The following CPEB3 variants were observed in gnomAD, a reference collection of about 807,000 sequenced individuals.
The protein encoded by CPEB3 is cytoplasmic polyadenylation element-binding protein 3.
A neutral mutation model predicts 67.2 loss-of-function variants in CPEB3; 20 were observed. That is an observed-to-expected ratio of 0.30 (90% CI 0.21 to 0.43). The LOEUF (loss-of-function observed/expected upper bound fraction) is 0.43. Among genes scored for constraint, CPEB3 ranks in the 20% least tolerant of loss-of-function variants. The pLI is 1.00. For missense variants in CPEB3, 746 were observed against 968.6 expected (o/e 0.77, Z 3.05); for synonymous variants, 376 against 393.1 (o/e 0.96, Z 0.51).
chr10:92,150,866 TG>T (rs1274415087), intron 4 of CPEB3, among the ~76,000 whole-genome samples: 1 of 152,160 alleles, frequency 6.6e-6, no homozygotes, highest in African/African-American at 2.4e-5. Flanking sequence ...TAGAACACCA[TG>T]ATACTGCCAC....
At chr10:92,261,072 A>G (rs1402242086) in intron 1 of CPEB3, among the ~76,000 whole-genome samples, 1 of 152,092 alleles carries the variant, frequency 6.6e-6, no homozygotes, top group Non-Finnish European at 1.5e-5. Context: ...CAAGCTGATG[A>G]GTCACAGGGA....
At position 92,192,589 on chromosome 10, in the gene CPEB3, G is replaced by C; in HGVS notation, c.1053C>G (p.Asn351Lys). ...CAGTCCTTATCATATCCATTAAGGA[G>C]TTCTCCAACGAGTGCAAGTTAAAAG... is the stretch of plus-strand genomic sequence containing the variant. ...YDTFNLHSLENSLMDMIRTDH... is the reference protein window; with the variant it reads ...YDTFNLHSLEKSLMDMIRTDH... Residue 351 changes from asparagine (N) to lysine (K), a missense_variant, in exon 3 of 10, where the codon AAC (asparagine) becomes AAG (lysine). Transcript: ENST00000265997. The C allele has an allele frequency of 6.2e-7, 1 of 1,612,968 alleles. No homozygotes were observed. The highest frequency in any genetic ancestry group is 8.5e-7 in the Non-Finnish European group (1 of 1,179,380).
chr10:92,271,468 C>T (rs1470614718), intron 1 of CPEB3, among the ~76,000 whole-genome samples: 1 of 152,168 alleles, frequency 6.6e-6, no homozygotes, highest in Admixed American at 6.6e-5. Flanking sequence ...TAATCTGGGA[C>T]AGTTCCTCAG....
At chr10:92,218,551 T>A (rs1850546159) in intron 2 of CPEB3, among the ~76,000 whole-genome samples, 1 of 152,250 alleles carries the variant, frequency 6.6e-6, no homozygotes, top group Non-Finnish European at 1.5e-5. Flanking sequence ...TATATGTGCA[T>A]ATGTGTATGC....
intron 6 of CPEB3, among the ~76,000 whole-genome samples, chr10:92,138,605 A>G (rs1846233259): frequency 6.6e-6 from 1 of 152,142 alleles, no homozygotes; most frequent in Non-Finnish European, 1.5e-5. Flanking sequence ...GGTGCTCAAT[A>G]TTACTGATTG....
chr10:92,180,964 G>A lies in CPEB3; in HGVS notation c.1221C>T (p.Asn407=). ...AGAATATTTCATATGAAGACTTACTGTTAAGTGCCATAATATTATCTGTTC... is the reference window on the plus strand; with the variant it reads ...AGAATATTTCATATGAAGACTTACTATTAAGTGCCATAATATTATCTGTTC... ...HPGTDNIMAL[N]NAFLDDSHGD... Residue 407 remains asparagine, a splice_region_variant and synonymous_variant, in exon 4 of 10, where the codon AAC becomes AAT. Transcript: ENST00000265997. 1 of 1,426,080 alleles carries A rather than the reference G, an allele frequency of 7.0e-7. No individual in the cohort carries two copies. The highest frequency in any genetic ancestry group is 1.4e-5 in the African/African-American group (1 of 71,204). 88.3% of individuals were successfully genotyped at this position (1,426,080 alleles called of 1,614,324 possible). A position where few individuals can be genotyped will look rare whatever the true frequency, so the allele number is the denominator to read the frequency against.
At chr10:92,258,810 A>G (rs577363477) in intron 1 of CPEB3, among the ~76,000 whole-genome samples, 30 of 151,140 alleles carry the variant, frequency 2.0e-4, no homozygotes, top group South Asian at 4.2e-4. Context: ...GGCACCCACC[A>G]CCACGCTGAG....
At chr10:92,071,419 G>T (rs1158538881) in intron 9 of CPEB3, among the ~76,000 whole-genome samples, 1 of 152,066 alleles carries the variant, frequency 6.6e-6, no homozygotes, top group Non-Finnish European at 1.5e-5. Context: ...ATATTCAACT[G>T]ATTCTACACT....
At chr10:92,183,889 G>A (rs747849791) in intron 3 of CPEB3, among the ~76,000 whole-genome samples, 19 of 151,954 alleles carry the variant, frequency 1.3e-4, no homozygotes, top group East Asian at 9.6e-4. Context: ...TACCATTTAC[G>A]GTAAAGAATT....
intron 2 of CPEB3, among the ~76,000 whole-genome samples, chr10:92,226,473 G>A (rs1850980380): frequency 6.6e-6 from 1 of 152,194 alleles, no homozygotes; most frequent in Non-Finnish European, 1.5e-5. Context: ...GTAGCTACAT[G>A]TAAATGACCA....
chr10:92,061,419 C>CAAAAAAAA (rs148327302), intron 9 of CPEB3, among the ~76,000 whole-genome samples: 1 of 93,344 alleles, frequency 1.1e-5, no homozygotes, highest in African/African-American at 4.0e-5. Context: ...AATTCTGTCT[C>CAAAAAAAA]AAAAAAAAAA....
At chr10:92,128,473 T>C (rs936703078) in intron 6 of CPEB3, among the ~76,000 whole-genome samples, 7 of 152,080 alleles carry the variant, frequency 4.6e-5, no homozygotes, top group Admixed American at 2.6e-4. Context: ...CCTTGAAAGG[T>C]GGCCTCTTTA....
chr10:92,245,758 C>CGG (rs1391265508), intron 1 of CPEB3, among the ~76,000 whole-genome samples: 1 of 152,128 alleles, frequency 6.6e-6, no homozygotes, highest in Non-Finnish European at 1.5e-5. Context: ...ATAAAATAGC[C>CGG]GGGCACGGTG....
intron 2 of CPEB3, among the ~76,000 whole-genome samples, chr10:92,198,064 C>T (rs1217354680): frequency 6.6e-6 from 1 of 152,168 alleles, no homozygotes; most frequent in East Asian, 1.9e-4. Flanking sequence ...CGAGATCACG[C>T]CATTGCACTC....
chr10:92,046,847 G>C lies in CPEB3; in HGVS notation c.*5365C>G, dbSNP rs976726964. On this transcript the variant is annotated 3_prime_UTR_variant, in exon 10 of 10. Coordinates refer to ENST00000265997, the MANE Select transcript of CPEB3 (RefSeq NM_014912.5). ...AAGCAATATTAGTCCAAGCCCCAAA[G>C]GCAGAAGCTGAGTAAGGGTTACTAG... The C allele has an allele frequency of 3.3e-5, 5 of 152,192 alleles. No individual in the cohort carries two copies. In the South Asian group the frequency reaches 8.3e-4, roughly 25 times the overall value. The allele number at this position is 152,192 out of a possible 1,614,324, so 9.4% of individuals were successfully genotyped here.
chr10:92,177,997 G>A (rs530441450), intron 4 of CPEB3, among the ~76,000 whole-genome samples: 4 of 152,062 alleles, frequency 2.6e-5, no homozygotes, highest in East Asian at 1.9e-4. Flanking sequence ...CAACTGACTC[G>A]CATTTTCTTT....
intron 2 of CPEB3, among the ~76,000 whole-genome samples, chr10:92,227,710 G>A (rs1048939319): frequency 6.6e-6 from 1 of 150,386 alleles, no homozygotes; most frequent in African/African-American, 2.5e-5. Flanking sequence ...TCCTGCCTCA[G>A]CCTCCCGAGT....
intron 1 of CPEB3, among the ~76,000 whole-genome samples, chr10:92,268,615 A>G (rs1853165573): frequency 6.6e-6 from 1 of 152,266 alleles, no homozygotes; most frequent in Non-Finnish European, 1.5e-5. Context: ...GGTTGTAAAC[A>G]TAAGTTGGTC....
chr10:92,119,955 T>TA (rs971290963), intron 6 of CPEB3, among the ~76,000 whole-genome samples: 85 of 148,376 alleles, frequency 5.7e-4, no homozygotes, highest in East Asian at 2.9e-3. Flanking sequence ...ATCTTGGATT[T>TA]AAAAAAAAAA....
Sources: allele counts gnomAD v4.1 joint callset (sites outside exome capture counted in the v4.1 genomes callset), GRCh38; gene constraint gnomAD v4.1.1; transcripts MANE v1.5; gene names NCBI Gene and HGNC (gene_info 2026-07-23, HGNC 2026-07-21).